GSDMC: variants seen among roughly 807,000 people sequenced by gnomAD.
GSDMC encodes gasdermin C.
Under a neutral mutation model 58.0 loss-of-function variants are expected in GSDMC, and 59 were observed. That is an observed-to-expected ratio of 1.02 (90% CI 0.82 to 1.26). GSDMC has a LOEUF of 1.26. GSDMC is among the 50% of genes most tolerant of loss of function. The probability of loss-of-function intolerance (pLI) is 0.00; values close to 1 mark genes in which losing one functional copy is unlikely to be tolerated. For missense variants in GSDMC, 659 were observed against 598.5 expected (o/e 1.10, Z -1.06); for synonymous variants, 241 against 220.2 (o/e 1.09, Z -0.83).
At chr8:129,774,917 T>A (rs1218824422) in intron 3 of GSDMC, among the ~76,000 whole-genome samples, 2 of 152,160 alleles carry the variant, frequency 1.3e-5, no homozygotes, top group African/African-American at 4.8e-5. Flanking sequence ...AACAAAAAGA[T>A]CAGTGTTGGC....
downstream of GSDMC, among the ~76,000 whole-genome samples, chr8:129,746,910 C>T (rs78291782): frequency 0.061 from 9,257 of 152,110 alleles, 504 homozygotes; most frequent in East Asian, 0.25. Context: ...TATTTGATCA[C>T]AGCCATTCAA....
At chr8:129,722,271 G>A in the GSDMC span, among the ~76,000 whole-genome samples, 9 of 152,298 alleles carry the variant, frequency 5.9e-5, no homozygotes, top group East Asian at 1.7e-3. Context: ...AGCCCTCCTT[G>A]AATGAGAGGG....
At chr8:129,777,868 C>T (rs2034290248) in intron 1 of GSDMC, among the ~76,000 whole-genome samples, 1 of 152,128 alleles carries the variant, frequency 6.6e-6, no homozygotes. Context: ...TATAGGCACA[C>T]ACCATCACAC....
chr8:129,736,110 G>A, the GSDMC span, among the ~76,000 whole-genome samples: 1 of 152,050 alleles, frequency 6.6e-6, no homozygotes, highest in Non-Finnish European at 1.5e-5. Context: ...TTGAATTTTT[G>A]AATAGATCAA....
the GSDMC span, among the ~76,000 whole-genome samples, chr8:129,740,499 A>G: frequency 6.6e-6 from 1 of 152,184 alleles, no homozygotes; most frequent in African/African-American, 2.4e-5. Context: ...TAGTTACACA[A>G]ATTCTTATAA....
chr8:129,780,550 A>T (rs1298733227), intron 1 of GSDMC, among the ~76,000 whole-genome samples: 1 of 152,204 alleles, frequency 6.6e-6, no homozygotes, highest in South Asian at 2.1e-4. Context: ...GGCAAAAAAA[A>T]TATGCTTCAA....
the GSDMC span, among the ~76,000 whole-genome samples, chr8:129,727,566 A>G: frequency 1.3e-5 from 2 of 152,144 alleles, no homozygotes; most frequent in Admixed American, 6.5e-5. Context: ...CAAGCTGTGG[A>G]ACTAAGTTGG....
the GSDMC span, among the ~76,000 whole-genome samples, chr8:129,737,913 T>C: frequency 2.6e-5 from 4 of 152,208 alleles, no homozygotes; most frequent in African/African-American, 9.7e-5. Flanking sequence ...AATCTACTCG[T>C]CTGACAAAGG....
At chr8:129,738,290 CA>C in the GSDMC span, among the ~76,000 whole-genome samples, 1 of 152,160 alleles carries the variant, frequency 6.6e-6, no homozygotes, top group South Asian at 2.1e-4. Flanking sequence ...CCATTTGACC[CA>C]TTGATCCCAT....
At chr8:129,728,290 C>A in the GSDMC span, among the ~76,000 whole-genome samples, 1 of 152,176 alleles carries the variant, frequency 6.6e-6, no homozygotes, top group Non-Finnish European at 1.5e-5. Context: ...AGAAGCCTGA[C>A]CTGCCCCACT....
At chr8:129,718,994 G>T in the GSDMC span, among the ~76,000 whole-genome samples, 1 of 152,058 alleles carries the variant, frequency 6.6e-6, no homozygotes, top group African/African-American at 2.4e-5. Context: ...GAGAACACAC[G>T]GACACAGGGA....
chr8:129,722,277 G>C, the GSDMC span, among the ~76,000 whole-genome samples: 1 of 152,190 alleles, frequency 6.6e-6, no homozygotes, highest in African/African-American at 2.4e-5. Flanking sequence ...CCTTGAATGA[G>C]AGGGAGAGAT....
the GSDMC span, among the ~76,000 whole-genome samples, chr8:129,728,534 G>A: frequency 6.6e-6 from 1 of 152,208 alleles, no homozygotes; most frequent in African/African-American, 2.4e-5. Flanking sequence ...CTGCCATCAT[G>A]GGACCTGCAG....
the GSDMC span, among the ~76,000 whole-genome samples, chr8:129,726,780 C>A: frequency 8.8e-5 from 13 of 147,658 alleles, no homozygotes; most frequent in Non-Finnish European, 1.6e-4. Context: ...CCACCCACCC[C>A]CTGCCTCTAG....
intron 1 of GSDMC, among the ~76,000 whole-genome samples, chr8:129,780,752 T>C (rs371096031): frequency 6.6e-6 from 1 of 152,172 alleles, no homozygotes; most frequent in East Asian, 1.9e-4. Context: ...CAGAATATTA[T>C]AACACTGTAA....
intron 9 of GSDMC, 90 bp downstream of exon 9, chr8:129,751,772 G>A (rs1195303802): frequency 7.3e-6 from 10 of 1,369,308 alleles, no homozygotes; most frequent in Admixed American, 1.7e-5. Flanking sequence ...GGGCGGTGGT[G>A]GCAAAGGCGA....
the GSDMC span, among the ~76,000 whole-genome samples, chr8:129,739,994 G>A: frequency 3.9e-5 from 6 of 151,998 alleles, no homozygotes; most frequent in South Asian, 2.1e-4. Context: ...CTAACCCTAC[G>A]TAGGACTGGG....
intron 6 of GSDMC, among the ~76,000 whole-genome samples, chr8:129,753,490 C>T (rs1212596321): frequency 6.6e-6 from 1 of 152,214 alleles, no homozygotes; most frequent in Non-Finnish European, 1.5e-5. Flanking sequence ...AAATAACCAG[C>T]AGCAGTACCC....
chr8:129,720,371 T>A, the GSDMC span, among the ~76,000 whole-genome samples: 4 of 152,222 alleles, frequency 2.6e-5, no homozygotes, highest in African/African-American at 9.6e-5. Context: ...TCAGGATGTA[T>A]CAAAAAGTTT....
Sources: allele counts gnomAD v4.1 joint callset (sites outside exome capture counted in the v4.1 genomes callset), GRCh38; gene constraint gnomAD v4.1.1; transcripts MANE v1.5; gene names NCBI Gene and HGNC (gene_info 2026-07-23, HGNC 2026-07-21).